The following BMPR1B variants were observed in gnomAD, a reference collection of about 807,000 sequenced individuals.
BMPR1B encodes bone morphogenetic protein receptor type-1B.
BMPR1B carries 12 observed loss-of-function variants against 59.1 expected under a neutral mutation model. The observed-to-expected ratio is 0.20, with a 90% CI of 0.13 to 0.33. The LOEUF is 0.33. BMPR1B is among the 10% of genes least tolerant of loss of function. BMPR1B has a pLI of 1.00. For missense variants in BMPR1B, 550 were observed against 610.9 expected (o/e 0.90, Z 1.05); for synonymous variants, 237 against 207.3 (o/e 1.14, Z -1.23).
intron 1 of BMPR1B, among the ~76,000 whole-genome samples, chr4:94,842,909 C>CTA (rs1553911694): frequency 1.9e-5 from 2 of 104,420 alleles, no homozygotes; most frequent in Admixed American, 8.4e-5. Flanking sequence ...CACATACACA[C>CTA]TGTGTGTATG....
chr4:94,892,404 G>T (rs1039331336), intron 2 of BMPR1B, among the ~76,000 whole-genome samples: 1 of 152,082 alleles, frequency 6.6e-6, no homozygotes. Flanking sequence ...GATTTAACTT[G>T]TAGTTATAAT....
intron 2 of BMPR1B, among the ~76,000 whole-genome samples, chr4:94,968,737 C>T (rs893706189): frequency 3.9e-5 from 6 of 152,090 alleles, no homozygotes; most frequent in Non-Finnish European, 4.4e-5. Flanking sequence ...AATTTCAGGT[C>T]GTGGTGAGTG....
chr4:94,922,441 T>C (rs1435863227), intron 2 of BMPR1B, among the ~76,000 whole-genome samples: 1 of 152,104 alleles, frequency 6.6e-6, no homozygotes, highest in Non-Finnish European at 1.5e-5. Context: ...AATAAAACAT[T>C]ATGTATATAA....
intron 3 of BMPR1B, among the ~76,000 whole-genome samples, chr4:95,078,375 G>A (rs1728867513): frequency 6.6e-6 from 1 of 152,144 alleles, no homozygotes; most frequent in Admixed American, 6.5e-5. Flanking sequence ...TTATTGACAA[G>A]TTTTAAGTCA....
At chr4:95,065,715 C>T (rs992342724) in intron 3 of BMPR1B, among the ~76,000 whole-genome samples, 5 of 152,036 alleles carry the variant, frequency 3.3e-5, no homozygotes, top group African/African-American at 9.7e-5. Context: ...TCCCTCCTCC[C>T]TTTCAGCTTG....
At chr4:94,993,677 C>T (rs1721883611) in intron 2 of BMPR1B, among the ~76,000 whole-genome samples, 1 of 148,466 alleles carries the variant, frequency 6.7e-6, no homozygotes. Context: ...AGGAGAATTG[C>T]CTGAATCCAG....
At chr4:95,136,630 T>C (rs1228628902) in intron 10 of BMPR1B, among the ~76,000 whole-genome samples, 1 of 152,190 alleles carries the variant, frequency 6.6e-6, no homozygotes, top group East Asian at 1.9e-4. Context: ...CTTCCTGGTT[T>C]AGTCTTGGGA....
intron 1 of BMPR1B, among the ~76,000 whole-genome samples, chr4:94,872,681 G>A (rs1189463545): frequency 1.3e-5 from 2 of 152,156 alleles, no homozygotes; most frequent in Admixed American, 6.5e-5. Flanking sequence ...CTGTGCCACT[G>A]CACGCCAGCC....
chr4:94,986,493 A>G (rs1721414540), intron 2 of BMPR1B, among the ~76,000 whole-genome samples: 1 of 152,210 alleles, frequency 6.6e-6, no homozygotes, highest in Non-Finnish European at 1.5e-5. Flanking sequence ...ATTTTACGTG[A>G]CAATGTTCAG....
chr4:95,020,046 A>G (rs1413592018), intron 3 of BMPR1B, among the ~76,000 whole-genome samples: 1 of 152,134 alleles, frequency 6.6e-6, no homozygotes, highest in Non-Finnish European at 1.5e-5. Flanking sequence ...GTTTGATTAT[A>G]TTTGTACCTT....
chr4:94,771,674 A>G (rs1367260115), intron 1 of BMPR1B, among the ~76,000 whole-genome samples: 4 of 152,192 alleles, frequency 2.6e-5, no homozygotes, highest in African/African-American at 9.6e-5. Context: ...TAACATTTCT[A>G]TACAGAGAGT....
At chr4:95,044,942 T>C (rs1168886355) in intron 3 of BMPR1B, among the ~76,000 whole-genome samples, 1 of 152,130 alleles carries the variant, frequency 6.6e-6, no homozygotes, top group Non-Finnish European at 1.5e-5. Context: ...GCCAGAATAA[T>C]AAAACCAAAT....
chr4:94,813,215 A>G (rs1173531190), intron 1 of BMPR1B, among the ~76,000 whole-genome samples: 1 of 152,170 alleles, frequency 6.6e-6, no homozygotes, highest in Admixed American at 6.5e-5. Context: ...GAAAATATAT[A>G]TAGCGGCAGG....
intron 3 of BMPR1B, among the ~76,000 whole-genome samples, chr4:95,044,884 T>A (rs1461184302): frequency 6.6e-6 from 1 of 152,160 alleles, no homozygotes; most frequent in African/African-American, 2.4e-5. Flanking sequence ...TTTTTTTTTC[T>A]CATAGTGGAG....
intron 3 of BMPR1B, among the ~76,000 whole-genome samples, chr4:95,041,084 T>A (rs1317066290): frequency 1.3e-5 from 2 of 152,214 alleles, no homozygotes; most frequent in Non-Finnish European, 2.9e-5. Flanking sequence ...TTAATGACAA[T>A]ATATGTATTT....
intron 1 of BMPR1B, among the ~76,000 whole-genome samples, chr4:94,849,128 A>G (rs1725466126): frequency 6.6e-6 from 1 of 152,202 alleles, no homozygotes; most frequent in Non-Finnish European, 1.5e-5. Flanking sequence ...ATGTAGATAG[A>G]AAGCAGTATG....
intron 1 of BMPR1B, among the ~76,000 whole-genome samples, chr4:94,766,293 T>G (rs1203070963): frequency 2.0e-5 from 3 of 152,124 alleles, no homozygotes; most frequent in Admixed American, 1.3e-4. Flanking sequence ...TACAAACAAT[T>G]GGCTAAACAT....
intron 3 of BMPR1B, chr4:95,091,433 C>A: frequency 1.0e-6 from 1 of 982,580 alleles, no homozygotes; most frequent in Non-Finnish European, 1.2e-6. Context: ...CTGAGAAAAA[C>A]AGCTGAGCTG....
At chr4:95,144,956 G>A (rs1322621653) in intron 10 of BMPR1B, among the ~76,000 whole-genome samples, 1 of 151,942 alleles carries the variant, frequency 6.6e-6, no homozygotes, top group Admixed American at 6.6e-5. Context: ...TGTAATCCTT[G>A]AAATGTACAT....
Sources: allele counts gnomAD v4.1 joint callset (sites outside exome capture counted in the v4.1 genomes callset), GRCh38; gene constraint gnomAD v4.1.1; transcripts MANE v1.5; gene names NCBI Gene and HGNC (gene_info 2026-07-23, HGNC 2026-07-21).